PIP5K1B: variants seen among roughly 807,000 people sequenced by gnomAD.
PIP5K1B encodes the protein phosphatidylinositol 4-phosphate 5-kinase type-1 beta.
In PIP5K1B, 42 loss-of-function variants were observed where a neutral mutation model predicts 67.0. That is an observed-to-expected ratio of 0.63 (90% CI 0.49 to 0.81). PIP5K1B has a LOEUF of 0.81. Among genes scored for constraint, PIP5K1B ranks in the 30% least tolerant of loss-of-function variants. The pLI is 0.00. For missense variants in PIP5K1B, 459 were observed against 646.3 expected, an observed-to-expected ratio of 0.71 and a Z score of 3.14; for synonymous variants, 214 against 231.4, an observed-to-expected ratio of 0.92 and a Z score of 0.68.
At chr9:68,955,626 A>G (rs886312943) in intron 14 of PIP5K1B, among the ~76,000 whole-genome samples, 1 of 152,358 alleles carries the variant, frequency 6.6e-6, no homozygotes, top group African/African-American at 2.4e-5. Flanking sequence ...TAACCAGAGC[A>G]TGGCACTTCT....
chr9:68,707,281 A>G (rs995410256), intron 1 of PIP5K1B, among the ~76,000 whole-genome samples: 15 of 152,162 alleles, frequency 9.9e-5, no homozygotes, highest in East Asian at 1.9e-4. Context: ...AAGACTAGAG[A>G]GATTTAATAA....
chr9:68,767,622 A>G (rs1830497218), intron 2 of PIP5K1B, among the ~76,000 whole-genome samples: 1 of 151,624 alleles, frequency 6.6e-6, no homozygotes, highest in African/African-American at 2.4e-5. Context: ...AAGAAAAAGA[A>G]ATAATTTAGC....
At chr9:68,719,144 C>G (rs776840609) in intron 1 of PIP5K1B, among the ~76,000 whole-genome samples, 31 of 152,122 alleles carry the variant, frequency 2.0e-4, no homozygotes, top group Non-Finnish European at 3.8e-4. Context: ...TAAAGTGATA[C>G]CTTTTCAGGC....
chr9:68,912,406 A>T (rs1201538506), intron 8 of PIP5K1B, among the ~76,000 whole-genome samples: 1 of 152,184 alleles, frequency 6.6e-6, no homozygotes, highest in African/African-American at 2.4e-5. Flanking sequence ...AAAGTCAAAT[A>T]GACAAAGAAC....
At chr9:68,927,414 T>C (rs1826767636) in intron 12 of PIP5K1B, among the ~76,000 whole-genome samples, 3 of 152,256 alleles carry the variant, frequency 2.0e-5, no homozygotes, top group Admixed American at 6.5e-5. Flanking sequence ...CCAGTTTCTC[T>C]ACATCCTCAC....
chr9:68,844,868 C>T (rs563648407), intron 4 of PIP5K1B, among the ~76,000 whole-genome samples: 6 of 152,036 alleles, frequency 3.9e-5, no homozygotes, highest in Non-Finnish European at 8.8e-5. Flanking sequence ...CAGTATCGGT[C>T]TCTAAGAGTT....
intron 8 of PIP5K1B, among the ~76,000 whole-genome samples, chr9:68,901,558 C>T (rs976861786): frequency 4.3e-4 from 66 of 152,210 alleles, no homozygotes; most frequent in African/African-American, 1.4e-3. Context: ...CATGCCCAGC[C>T]AAATCCACTG....
intron 2 of PIP5K1B, among the ~76,000 whole-genome samples, chr9:68,814,880 G>T (rs1439299118): frequency 6.6e-6 from 1 of 151,952 alleles, no homozygotes; most frequent in Non-Finnish European, 1.5e-5. Flanking sequence ...AATGATACAG[G>T]TTCGTATTTG....
intron 3 of PIP5K1B, among the ~76,000 whole-genome samples, chr9:68,819,697 A>G (rs1833631917): frequency 6.6e-6 from 1 of 152,250 alleles, no homozygotes; most frequent in Non-Finnish European, 1.5e-5. Context: ...CATTGTGACC[A>G]TTGTAATGGC....
intron 8 of PIP5K1B, among the ~76,000 whole-genome samples, chr9:68,915,209 T>TC (rs1228009254): frequency 6.6e-6 from 1 of 152,000 alleles, no homozygotes; most frequent in Non-Finnish European, 1.5e-5. Context: ...TCATCCCTCA[T>TC]CCCCCATGTC....
At chr9:68,885,066 T>C (rs1824399443) in intron 6 of PIP5K1B, among the ~76,000 whole-genome samples, 1 of 152,186 alleles carries the variant, frequency 6.6e-6, no homozygotes, top group African/African-American at 2.4e-5. Context: ...TAAATGCCCA[T>C]CAAAGGACAA....
intron 4 of PIP5K1B, among the ~76,000 whole-genome samples, chr9:68,859,955 C>T (rs1382457828): frequency 1.3e-5 from 2 of 151,952 alleles, no homozygotes; most frequent in African/African-American, 4.8e-5. Context: ...TTGTGTACAA[C>T]ATGATGTTTT....
intron 2 of PIP5K1B, among the ~76,000 whole-genome samples, chr9:68,754,175 C>CTTTTTTTTCTTTTTTTTTTTTTTT (rs1829793308): frequency 9.9e-6 from 1 of 101,076 alleles, no homozygotes; most frequent in Non-Finnish European, 1.9e-5. Flanking sequence ...TCCATGATTT[C>CTTTTTTTTCTTTTTTTTTTTTTTT]TTTTTTTTTT....
chr9:68,909,216 A>T (rs1370230176), intron 8 of PIP5K1B, among the ~76,000 whole-genome samples: 2 of 152,186 alleles, frequency 1.3e-5, no homozygotes, highest in African/African-American at 4.8e-5. Flanking sequence ...GTAAAAGTAG[A>T]CCAAATATTG....
At chr9:68,831,544 T>C (rs1834320923) in intron 4 of PIP5K1B, among the ~76,000 whole-genome samples, 1 of 152,202 alleles carries the variant, frequency 6.6e-6, no homozygotes, top group Non-Finnish European at 1.5e-5. Flanking sequence ...ACTGCATTAT[T>C]GTCTGAATGC....
In PIP5K1B at chr9:68,898,389, C is replaced by T. The variant is rs149655190; in HGVS notation, c.771+3751C>T. ...AAGGCTTTCCTATCCCTTGGTCTGA[C>T]CCTCTATATGCTCACTGCCACAGCC... On this transcript the variant is annotated intron_variant, in intron 8 of 15. Transcript: ENST00000265382. Among the ~76,000 whole-genome samples the T allele has an allele frequency of 5.3e-5, 8 of 152,222 alleles. No homozygotes were observed. In the East Asian group the frequency reaches 1.5e-3, roughly 29 times the overall value.
chr9:68,738,564 T>C (rs1450424014), intron 1 of PIP5K1B, among the ~76,000 whole-genome samples: 1 of 152,218 alleles, frequency 6.6e-6, no homozygotes, highest in African/African-American at 2.4e-5. Context: ...CGTATTCTCA[T>C]CTGAAAGCTG....
At chr9:68,769,808 C>T (rs1830595569) in intron 2 of PIP5K1B, among the ~76,000 whole-genome samples, 1 of 152,206 alleles carries the variant, frequency 6.6e-6, no homozygotes, top group Admixed American at 6.5e-5. Flanking sequence ...GGTGGCATGA[C>T]ATTGCTTGCT....
chr9:68,821,188 C>T (rs1018357628), intron 3 of PIP5K1B, among the ~76,000 whole-genome samples: 2 of 152,008 alleles, frequency 1.3e-5, no homozygotes, highest in African/African-American at 2.4e-5. Context: ...CCTGGGAGGT[C>T]GAGGCTGCAG....
Sources: gnomAD v4.1 joint callset for allele counts (sites outside exome capture counted in the v4.1 genomes callset) on GRCh38, gnomAD v4.1.1 for gene constraint, MANE v1.5 for transcripts, NCBI Gene and HGNC (gene_info 2026-07-23, HGNC 2026-07-21) for gene names.